AGBL1: variants seen among roughly 807,000 people sequenced by gnomAD.
AGBL1 encodes the protein AGBL carboxypeptidase 1, also known as cytosolic carboxypeptidase 4.
AGBL1 carries 130 observed loss-of-function variants against 118.9 expected under a neutral mutation model. The ratio of observed to expected loss-of-function variants is 1.09; its 90% CI spans 0.95 to 1.26. The LOEUF is 1.26. Ranked by LOEUF, AGBL1 falls within the 50% of genes most tolerant of loss-of-function variation. AGBL1 has a pLI of 0.00. For synonymous variants in AGBL1, 555 were observed against 478.9 expected (o/e 1.16, Z -2.08); for missense variants, 1,584 against 1,298.1 (o/e 1.22, Z -3.38).
At chr15:86,528,286 C>A (rs2083296076) in intron 19 of AGBL1, among the ~76,000 whole-genome samples, 1 of 152,200 alleles carries the variant, frequency 6.6e-6, no homozygotes, top group Admixed American at 6.5e-5. Flanking sequence ...CGAGGCATTG[C>A]CTCACCTGGG....
chr15:86,752,192 G>C (rs1194983120), intron 22 of AGBL1, among the ~76,000 whole-genome samples: 1 of 151,990 alleles, frequency 6.6e-6, no homozygotes, highest in Non-Finnish European at 1.5e-5. Context: ...AGACCAAAAG[G>C]CTAAATGAAG....
At chr15:86,388,666 T>C (rs955450526) in intron 17 of AGBL1, among the ~76,000 whole-genome samples, 1 of 152,214 alleles carries the variant, frequency 6.6e-6, no homozygotes, top group East Asian at 1.9e-4. Flanking sequence ...AGATTCATTT[T>C]GGCCTTCCTC....
At chr15:86,224,791 G>C (rs907203869) in intron 5 of AGBL1, 123 bp from the exon 6 acceptor site, 1 of 860,202 alleles carries the variant, frequency 1.2e-6, no homozygotes, top group Admixed American at 2.1e-5. Flanking sequence ...TCAATAGATT[G>C]CCTGCTACCT....
At chr15:86,668,519 T>A (rs1056434068) in intron 21 of AGBL1, among the ~76,000 whole-genome samples, 1 of 152,028 alleles carries the variant, frequency 6.6e-6, no homozygotes, top group Non-Finnish European at 1.5e-5. Context: ...CAAAAAGACG[T>A]TTTTTTGGTA....
chr15:86,542,356 ATTTT>A (rs71144054), intron 19 of AGBL1, among the ~76,000 whole-genome samples: 4,639 of 116,078 alleles, frequency 0.04, 148 homozygotes, highest in African/African-American at 0.11. Flanking sequence ...CACCATTGAG[ATTTT>A]TTTTTTTTTT....
chr15:86,092,833 A>T (rs904092374), intron 1 of AGBL1, among the ~76,000 whole-genome samples: 7 of 151,982 alleles, frequency 4.6e-5, no homozygotes, highest in African/African-American at 1.7e-4. Context: ...TAAGAAACTC[A>T]CTCCCGAGAT....
chr15:86,607,283 A>G (rs985109886), intron 21 of AGBL1, among the ~76,000 whole-genome samples: 2 of 152,236 alleles, frequency 1.3e-5, no homozygotes, highest in Admixed American at 6.5e-5. Context: ...TTGGAAGCCA[A>G]TTGGGGTTTC....
intron 23 of AGBL1, among the ~76,000 whole-genome samples, chr15:86,968,828 T>C (rs933703083): frequency 6.6e-6 from 1 of 151,922 alleles, no homozygotes; most frequent in African/African-American, 2.4e-5. Context: ...CGGTGTCTGG[T>C]AAGGGCTTGT....
At chr15:86,761,095 T>C (rs760262978) in intron 22 of AGBL1, among the ~76,000 whole-genome samples, 2 of 152,096 alleles carry the variant, frequency 1.3e-5, no homozygotes, top group African/African-American at 4.8e-5. Flanking sequence ...TTTAGGAGCC[T>C]CTTCCTTAGA....
At chr15:86,563,318 T>C (rs2083857932) in intron 21 of AGBL1, among the ~76,000 whole-genome samples, 1 of 152,214 alleles carries the variant, frequency 6.6e-6, no homozygotes, top group African/African-American at 2.4e-5. Context: ...GCTTTAAATG[T>C]GTCCCAGAGA....
intron 5 of AGBL1, among the ~76,000 whole-genome samples, chr15:86,162,840 C>G (rs764136169): frequency 6.6e-5 from 10 of 152,178 alleles, no homozygotes; most frequent in Non-Finnish European, 1.5e-4. Context: ...AGGTCTCTCC[C>G]TTCCTCTGGA....
chr15:86,747,986 A>G (rs955173910), intron 22 of AGBL1, among the ~76,000 whole-genome samples: 23 of 152,172 alleles, frequency 1.5e-4, no homozygotes, highest in Admixed American at 1.4e-3. Flanking sequence ...TCGTTTGGGT[A>G]TATACCCAGT....
chr15:86,309,336 T>C (rs906184425), intron 17 of AGBL1, among the ~76,000 whole-genome samples: 2 of 152,212 alleles, frequency 1.3e-5, no homozygotes, highest in Non-Finnish European at 2.9e-5. Flanking sequence ...ACATATAAGA[T>C]TATGTCATCT....
intron 21 of AGBL1, among the ~76,000 whole-genome samples, chr15:86,562,076 A>G (rs1399216038): frequency 6.6e-6 from 1 of 152,154 alleles, no homozygotes; most frequent in African/African-American, 2.4e-5. Context: ...GGGTTTTCTA[A>G]ATATACAATT....
chr15:86,703,450 A>G (rs1012331426), intron 22 of AGBL1, among the ~76,000 whole-genome samples: 7 of 152,162 alleles, frequency 4.6e-5, no homozygotes, highest in African/African-American at 1.7e-4. Flanking sequence ...TAGGAATAAT[A>G]ATAGTACTTC....
At chr15:86,093,190 G>A (rs1477353584) in intron 1 of AGBL1, among the ~76,000 whole-genome samples, 1 of 152,166 alleles carries the variant, frequency 6.6e-6, no homozygotes, top group Non-Finnish European at 1.5e-5. Flanking sequence ...CCACACACAA[G>A]CTAGTCTTCA....
chr15:86,871,804 C>A (rs1320482972), intron 22 of AGBL1, among the ~76,000 whole-genome samples: 2 of 152,142 alleles, frequency 1.3e-5, no homozygotes, highest in Non-Finnish European at 2.9e-5. Context: ...CCTACTTGTG[C>A]CAAAAGAGTT....
At chr15:86,744,572 CAGA>C (rs2077726072) in intron 22 of AGBL1, among the ~76,000 whole-genome samples, 1 of 152,074 alleles carries the variant, frequency 6.6e-6, no homozygotes, top group South Asian at 2.1e-4. Flanking sequence ...AAGCAAAGGG[CAGA>C]GGCACCTTTC....
Position 86,667,431 on chromosome 15 carries a change from C to A in AGBL1, c.2995-6842C>A, listed in dbSNP as rs868526575. 2.3e-4 allele frequency among the ~76,000 whole-genome samples: 35 copies of A among 152,100 alleles called. 1 individual carries two copies. The highest frequency in any genetic ancestry group is 1.7e-3 in the South Asian group (8 of 4,820). On this transcript the variant is annotated intron_variant, in intron 21 of 22. Coordinates refer to ENST00000614907, the MANE Select transcript of AGBL1 (RefSeq NM_001386094.1). The stretch of plus-strand genomic sequence containing the variant: ...AATGTTTCCCCTTCTCTTGGTTTGT[C>A]TTCCTGACACTACTACCCAAAACAT...
Sources: gnomAD v4.1 joint callset for allele counts (sites outside exome capture counted in the v4.1 genomes callset) on GRCh38, gnomAD v4.1.1 for gene constraint, MANE v1.5 for transcripts, NCBI Gene and HGNC (gene_info 2026-07-23, HGNC 2026-07-21) for gene names.